Variants in RBMS3 observed in about 807,000 individuals in gnomAD.
RBMS3 encodes the protein RNA binding motif single stranded interacting protein 3.
A neutral mutation model predicts 66.8 loss-of-function variants in RBMS3; 27 were observed. The observed-to-expected ratio is 0.40, with a 90% confidence interval of 0.30 to 0.56. RBMS3 has a LOEUF of 0.56. Among genes scored for constraint, RBMS3 ranks in the 20% least tolerant of loss-of-function variants. The pLI is 0.40. For missense variants in RBMS3, 513 were observed against 549.5 expected (o/e 0.93, Z 0.66); for synonymous variants, 188 against 183.0 (o/e 1.03, Z -0.22).
At chr3:29,724,318 T>C (rs2053766310) in intron 4 of RBMS3, among the ~76,000 whole-genome samples, 1 of 152,224 alleles carries the variant, frequency 6.6e-6, no homozygotes, top group Admixed American at 6.5e-5. Flanking sequence ...CTTAAAGTGT[T>C]CTAAATTTCC....
At chr3:29,873,823 T>G (rs1335061293) in intron 7 of RBMS3, among the ~76,000 whole-genome samples, 2 of 152,232 alleles carry the variant, frequency 1.3e-5, no homozygotes, top group Non-Finnish European at 2.9e-5. Context: ...TTGAAATTCT[T>G]TTCTGTATCA....
At chr3:29,866,202 A>G (rs67822762) in intron 6 of RBMS3, among the ~76,000 whole-genome samples, 38,069 of 152,008 alleles carry the variant, frequency 0.25, 7,739 homozygotes, top group African/African-American at 0.56. Context: ...TATCTTGACA[A>G]TGGTGATGGT....
chr3:29,743,755 A>G (rs939063118), intron 5 of RBMS3, among the ~76,000 whole-genome samples: 3 of 144,970 alleles, frequency 2.1e-5, no homozygotes, highest in Admixed American at 6.9e-5. Context: ...AAATTTTATT[A>G]TTATTATACT....
intron 5 of RBMS3, among the ~76,000 whole-genome samples, chr3:29,747,472 T>C (rs2054973471): frequency 6.6e-6 from 1 of 152,068 alleles, no homozygotes; most frequent in African/African-American, 2.4e-5. Flanking sequence ...TATTATCCAA[T>C]ACTGGCTTGG....
chr3:29,823,943 A>G (rs555623770), intron 6 of RBMS3, among the ~76,000 whole-genome samples: 24 of 152,292 alleles, frequency 1.6e-4, no homozygotes, highest in Non-Finnish European at 2.6e-4. Flanking sequence ...CTTCAGCAAC[A>G]CATGAGAGTT....
chr3:29,377,809 A>T (rs974308065), intron 1 of RBMS3, among the ~76,000 whole-genome samples: 5 of 152,154 alleles, frequency 3.3e-5, no homozygotes, highest in Admixed American at 3.3e-4. Context: ...TTTGGTGCTC[A>T]TTCTTGTTAA....
intron 2 of RBMS3, among the ~76,000 whole-genome samples, chr3:29,470,916 G>T (rs2042703094): frequency 6.6e-6 from 1 of 152,002 alleles, no homozygotes; most frequent in Non-Finnish European, 1.5e-5. Context: ...CCCAGTGAAT[G>T]GCATTAGTTA....
chr3:29,877,050 A>G (rs530261479), intron 7 of RBMS3, among the ~76,000 whole-genome samples: 20 of 152,362 alleles, frequency 1.3e-4, no homozygotes, highest in Non-Finnish European at 2.6e-4. Flanking sequence ...ATACCAACAT[A>G]TACTCATAAA....
chr3:29,923,634 C>A (rs1404205049), intron 10 of RBMS3, among the ~76,000 whole-genome samples: 3 of 151,716 alleles, frequency 2.0e-5, no homozygotes, highest in Admixed American at 1.3e-4. Flanking sequence ...AAAAAAAAAA[C>A]TGGTTCTGAA....
At chr3:29,502,904 G>C (rs946619132) in intron 3 of RBMS3, among the ~76,000 whole-genome samples, 4 of 152,026 alleles carry the variant, frequency 2.6e-5, no homozygotes, top group Non-Finnish European at 5.9e-5. Context: ...CTATGTGGTC[G>C]TTTCAGAGCA....
chr3:29,384,390 C>A (rs1262992815), intron 1 of RBMS3, among the ~76,000 whole-genome samples: 3 of 146,664 alleles, frequency 2.0e-5, no homozygotes, highest in Non-Finnish European at 3.0e-5. Context: ...GGAATTCTAA[C>A]CTTGCTTAAG....
intron 3 of RBMS3, among the ~76,000 whole-genome samples, chr3:29,564,459 C>T (rs1400235004): frequency 6.7e-6 from 1 of 149,618 alleles, no homozygotes; most frequent in South Asian, 2.1e-4. Context: ...GCGCTCCAGC[C>T]TGGGCGACAA....
intron 7 of RBMS3, among the ~76,000 whole-genome samples, chr3:29,876,572 A>G (rs1559760437): frequency 6.6e-6 from 1 of 152,212 alleles, no homozygotes; most frequent in East Asian, 1.9e-4. Context: ...ATGGCAAAGC[A>G]TGGTCATATT....
intron 3 of RBMS3, among the ~76,000 whole-genome samples, chr3:29,544,079 T>C (rs977319281): frequency 2.6e-5 from 4 of 152,114 alleles, no homozygotes; most frequent in Admixed American, 6.5e-5. Context: ...TGTCAAGTTG[T>C]CATTGCTTCC....
In RBMS3 at chr3:29,389,940, G is replaced by A. The variant is rs78184705; in HGVS notation, c.76-44803G>A. Among the ~76,000 whole-genome samples, 1,399 of 152,254 alleles carry A rather than the reference G, an allele frequency of 9.2e-3. 25 individuals carry two copies. The highest frequency in any genetic ancestry group is 0.032 in the African/African-American group (1,327 of 41,542). On this transcript the variant is annotated intron_variant, in intron 1 of 14. Transcript: ENST00000383767. ...GGGCTCCTGGTGGGTGGAAAAAAGG[G>A]TAAGGGACTGCTACTGAAAGTGGTC...
intron 5 of RBMS3, among the ~76,000 whole-genome samples, chr3:29,756,476 C>T (rs534673199): frequency 1.2e-4 from 19 of 152,202 alleles, no homozygotes; most frequent in African/African-American, 4.6e-4. Flanking sequence ...TCTTACATGG[C>T]AGTAGGCAAG....
chr3:29,986,606 G>A (rs979098815), intron 12 of RBMS3, among the ~76,000 whole-genome samples: 2 of 152,144 alleles, frequency 1.3e-5, no homozygotes, highest in African/African-American at 2.4e-5. Flanking sequence ...AATGTCCAGG[G>A]AACTGTTATC....
chr3:29,760,858 T>C (rs558386283), intron 5 of RBMS3, among the ~76,000 whole-genome samples: 1 of 152,250 alleles, frequency 6.6e-6, no homozygotes, highest in Non-Finnish European at 1.5e-5. Context: ...ATGCTGTTTT[T>C]GTTTTTATTT....
chr3:29,849,172 G>A (rs1395966265), intron 6 of RBMS3, among the ~76,000 whole-genome samples: 1 of 50,762 alleles, frequency 2.0e-5, no homozygotes, highest in Non-Finnish European at 6.2e-5. Context: ...CCAAAGGAAT[G>A]TGTGTGTGTG....
Sources: gnomAD v4.1 joint callset for allele counts (sites outside exome capture counted in the v4.1 genomes callset) on GRCh38, gnomAD v4.1.1 for gene constraint, MANE v1.5 for transcripts, NCBI Gene and HGNC (gene_info 2026-07-23, HGNC 2026-07-21) for gene names.